LRBA: variants seen among roughly 807,000 people sequenced by gnomAD.
LRBA encodes lipopolysaccharide-responsive and beige-like anchor protein.
A neutral mutation model predicts 330.0 loss-of-function variants in LRBA; 176 were observed. The observed-to-expected ratio is 0.53, with a 90% CI of 0.47 to 0.60. The LOEUF (loss-of-function observed/expected upper bound fraction) is 0.60, where lower values mean the gene tolerates loss of function less well. LRBA is among the 20% of genes least tolerant of loss of function. The probability of loss-of-function intolerance (pLI) is 0.00; values close to 1 mark genes in which losing one functional copy is unlikely to be tolerated. For missense variants in LRBA, 3,259 were observed against 3,444.8 expected, an observed-to-expected ratio of 0.95 and a Z score of 1.35; for synonymous variants, 1,230 against 1,193.0, an observed-to-expected ratio of 1.03 and a Z score of -0.64.
chr4:150,614,803 A>G (rs761999994), intron 37 of LRBA, among the ~76,000 whole-genome samples: 1 of 152,244 alleles, frequency 6.6e-6, no homozygotes, highest in Non-Finnish European at 1.5e-5. Context: ...TCCCTAAGTC[A>G]TGTAACACTG....
chr4:150,717,675 G>GTAATAATAA (rs10522737), intron 36 of LRBA, among the ~76,000 whole-genome samples: 5,473 of 139,728 alleles, frequency 0.039, 238 homozygotes, highest in African/African-American at 0.099. Context: ...AACAATAATA[G>GTAATAATAA]TAATAATAAT....
chr4:150,639,817 GTGTATATA>G lies in LRBA; in HGVS notation c.5922-40694_5922-40687del, dbSNP rs1460122957. 6.5e-3 allele frequency among the ~76,000 whole-genome samples: 35 copies of G among 5,352 alleles called. 2 individuals are homozygous for G. Among genetic ancestry groups the G allele is most frequent in the African/African-American group, 0.016 (31 of 1,954 alleles). 3.5% of individuals were successfully genotyped at this position (5,352 alleles called of 152,430 possible). A position where few individuals can be genotyped will look rare whatever the true frequency, so the allele number is the denominator to read the frequency against. ...TATATATATATATATGTGTGTGTGT[GTGTATATA>G]TATATATATATATATATATATATAT... is the stretch of plus-strand genomic sequence containing the variant. On this transcript the variant is annotated intron_variant, in intron 37 of 56. Coordinates refer to ENST00000651943, the MANE Select transcript of LRBA (RefSeq NM_001364905.1).
At chr4:150,579,535 T>C (rs973035909) in intron 40 of LRBA, 8 of 401,788 alleles carry the variant, frequency 2.0e-5, no homozygotes, top group Non-Finnish European at 4.0e-5. Context: ...ACAGGGTAAA[T>C]TGGTAATGAA....
At chr4:150,649,137 T>C (rs1394923504) in intron 37 of LRBA, among the ~76,000 whole-genome samples, 1 of 152,182 alleles carries the variant, frequency 6.6e-6, no homozygotes, top group Non-Finnish European at 1.5e-5. Context: ...TCTTAAACTA[T>C]AAAATACCTC....
intron 17 of LRBA, among the ~76,000 whole-genome samples, chr4:150,882,851 A>G (rs1318196563): frequency 6.6e-6 from 1 of 152,222 alleles, no homozygotes; most frequent in African/African-American, 2.4e-5. Context: ...AGGAAGGATA[A>G]GTCTTCCAAG....
At chr4:150,294,813 G>A (rs969110399) in intron 53 of LRBA, among the ~76,000 whole-genome samples, 18 of 152,240 alleles carry the variant, frequency 1.2e-4, no homozygotes, top group Admixed American at 3.3e-4. Flanking sequence ...TTATCTGGGC[G>A]CGCTGGCGCC....
intron 47 of LRBA, among the ~76,000 whole-genome samples, chr4:150,403,148 T>C (rs180726142): frequency 6.6e-6 from 1 of 152,280 alleles, no homozygotes; most frequent in African/African-American, 2.4e-5. Context: ...GCTTTTCAGA[T>C]AGACTGCCAC....
At chr4:150,893,365 CG>C (rs566818454) in intron 16 of LRBA, among the ~76,000 whole-genome samples, 17 of 151,850 alleles carry the variant, frequency 1.1e-4, no homozygotes, top group African/African-American at 3.6e-4. Context: ...TTTTTTTGTG[CG>C]GGGGGGCAGA....
chr4:150,350,121 T>C lies in LRBA; in HGVS notation c.7233A>G (p.Gln2411=). Residue 2411 remains glutamine, a synonymous_variant, in exon 48 of 57, where the codon CAA becomes CAG. Coordinates refer to ENST00000651943, the MANE Select transcript of LRBA (RefSeq NM_001364905.1). ...TATAGCCAAAAATGAGATCAATCCA[T>C]TGGTGAAGCTGGCAGGAAACAAATT... is the stretch of plus-strand genomic sequence containing the variant. The part of the protein sequence containing the change: ...ESEFVSCQLH[Q]WIDLIFGYKQ... 4 of 1,599,600 alleles carry C rather than the reference T, an allele frequency of 2.5e-6. No individual in the cohort carries two copies. The highest frequency in any genetic ancestry group is 8.5e-7 in the Non-Finnish European group (1 of 1,174,812).
chr4:150,507,907 A>G (rs1007714654), intron 40 of LRBA, among the ~76,000 whole-genome samples: 26 of 152,190 alleles, frequency 1.7e-4, no homozygotes, highest in African/African-American at 6.0e-4. Context: ...ATAAAAAATG[A>G]TGAGTTCATG....
At chr4:150,913,788 G>T (rs1002173003) in intron 9 of LRBA, among the ~76,000 whole-genome samples, 2 of 152,074 alleles carry the variant, frequency 1.3e-5, no homozygotes, top group Admixed American at 1.3e-4. Context: ...TGTCTCTTTT[G>T]ACAGTTTTTG....
At chr4:150,546,208 A>C (rs1279228931) in intron 40 of LRBA, among the ~76,000 whole-genome samples, 1 of 152,248 alleles carries the variant, frequency 6.6e-6, no homozygotes, top group East Asian at 1.9e-4. Context: ...TAACATGGCC[A>C]CGCTGCACAT....
chr4:150,411,366 CA>C (rs994451547), intron 47 of LRBA, among the ~76,000 whole-genome samples: 1 of 152,126 alleles, frequency 6.6e-6, no homozygotes, highest in Admixed American at 6.5e-5. Context: ...GGTTCACTAC[CA>C]AAATCATGCT....
chr4:150,313,995 A>C (rs1202818580), intron 51 of LRBA, among the ~76,000 whole-genome samples: 1 of 151,900 alleles, frequency 6.6e-6, no homozygotes, highest in Non-Finnish European at 1.5e-5. Context: ...TTGGTCTTTA[A>C]AAAGTTTCAG....
chr4:150,684,458 T>G (rs1349338822), intron 36 of LRBA, among the ~76,000 whole-genome samples: 1 of 152,208 alleles, frequency 6.6e-6, no homozygotes, highest in Non-Finnish European at 1.5e-5. Context: ...CTATTCATTT[T>G]GTGTTTGAAT....
intron 33 of LRBA, among the ~76,000 whole-genome samples, chr4:150,798,467 G>A (rs1343543687): frequency 6.6e-6 from 1 of 152,152 alleles, no homozygotes; most frequent in Non-Finnish European, 1.5e-5. Flanking sequence ...TTTGGAGAGA[G>A]TTGATCGTTA....
At chr4:150,868,015 T>C in intron 21 of LRBA, 152 bp from the exon 22 acceptor site, 1 of 893,816 alleles carries the variant, frequency 1.1e-6, no homozygotes, top group Non-Finnish European at 1.7e-6. Flanking sequence ...GACAATGTGG[T>C]ACTAAAAATT....
chr4:150,615,885 A>G (rs1171788864), intron 37 of LRBA, among the ~76,000 whole-genome samples: 1 of 152,134 alleles, frequency 6.6e-6, no homozygotes, highest in Non-Finnish European at 1.5e-5. Context: ...CTTTCCACAT[A>G]CAACTGGCCA....
At chr4:150,798,201 C>G in intron 33 of LRBA, 59 bp from the exon 34 acceptor site, 1 of 1,043,302 alleles carries the variant, frequency 9.6e-7, no homozygotes, top group South Asian at 1.3e-5. Context: ...GGATTTGTTA[C>G]AATTTCATCC....
Sources: gnomAD v4.1 joint callset for allele counts (sites outside exome capture counted in the v4.1 genomes callset) on GRCh38, gnomAD v4.1.1 for gene constraint, MANE v1.5 for transcripts, NCBI Gene and HGNC (gene_info 2026-07-23, HGNC 2026-07-21) for gene names.